Variants in SLC4A5 observed in about 807,000 individuals in gnomAD.
SLC4A5 encodes the protein electrogenic sodium bicarbonate cotransporter 4.
Under a neutral mutation model 120.4 loss-of-function variants are expected in SLC4A5, and 96 were observed. That is an observed-to-expected ratio of 0.80 (90% CI 0.68 to 0.94). The LOEUF is 0.94. SLC4A5 is among the 40% of genes least tolerant of loss of function. The pLI is 0.00. For missense variants in SLC4A5, 1,259 were observed against 1,459.5 expected (o/e 0.86, Z 2.24); for synonymous variants, 550 against 571.1 (o/e 0.96, Z 0.53).
intron 8 of SLC4A5, among the ~76,000 whole-genome samples, chr2:74,282,099 A>G (rs1671832088): frequency 6.6e-6 from 1 of 152,212 alleles, no homozygotes; most frequent in Non-Finnish European, 1.5e-5. Flanking sequence ...AGCCTCAAAC[A>G]GCTCTGACCC....
intron 5 of SLC4A5, among the ~76,000 whole-genome samples, chr2:74,322,455 A>T (rs1028508939): frequency 2.6e-5 from 4 of 152,220 alleles, no homozygotes; most frequent in African/African-American, 7.2e-5. Context: ...TAATAAAATC[A>T]TAAAATTATG....
intron 24 of SLC4A5, among the ~76,000 whole-genome samples, chr2:74,231,921 G>A (rs989548466): frequency 5.9e-5 from 9 of 152,180 alleles, no homozygotes; most frequent in Admixed American, 6.5e-5. Flanking sequence ...GAAAGCCAGG[G>A]TTTGGTGTGG....
intron 5 of SLC4A5, among the ~76,000 whole-genome samples, chr2:74,318,180 T>C (rs1558912303): frequency 6.6e-6 from 1 of 152,020 alleles, no homozygotes; most frequent in Non-Finnish European, 1.5e-5. Flanking sequence ...AGCTAATATC[T>C]AGAATCTGTG....
intron 5 of SLC4A5, among the ~76,000 whole-genome samples, chr2:74,326,678 G>C (rs1322472701): frequency 6.6e-6 from 1 of 152,172 alleles, no homozygotes; most frequent in African/African-American, 2.4e-5. Flanking sequence ...AATTAGCCGA[G>C]TGTGGTGGTG....
intron 30 of SLC4A5, among the ~76,000 whole-genome samples, chr2:74,219,162 C>A (rs1694533292): frequency 6.9e-6 from 1 of 145,006 alleles, no homozygotes; most frequent in Non-Finnish European, 1.5e-5. Flanking sequence ...TTGCAGTGTT[C>A]TTTGCTCTTT....
intron 14 of SLC4A5, among the ~76,000 whole-genome samples, chr2:74,254,066 A>G (rs973317328): frequency 1.3e-5 from 2 of 152,204 alleles, no homozygotes; most frequent in African/African-American, 4.8e-5. Context: ...TGCAGCCGCA[A>G]GCACCGCCAG....
intron 5 of SLC4A5, 118 bp from the exon 6 acceptor site, chr2:74,315,143 G>A (rs1421275493): frequency 1.2e-6 from 1 of 867,836 alleles, no homozygotes; most frequent in Non-Finnish European, 1.9e-6. Context: ...AAAAAACTAA[G>A]ACAAAAGGAC....
exon 21 of SLC4A5, chr2:74,239,404 A>T: frequency 6.2e-7 from 1 of 1,614,202 alleles, no homozygotes. Flanking sequence ...TCCCAAAGAA[A>T]AGGATGAAGG....
chr2:74,233,657 C>T, intron 22 of SLC4A5, 94 bp from the exon 23 acceptor site: 1 of 1,415,580 alleles, frequency 7.1e-7, no homozygotes, highest in Non-Finnish European at 9.4e-7. Flanking sequence ...TCAACTTTCC[C>T]TGACTTTGGG....
intron 3 of SLC4A5, among the ~76,000 whole-genome samples, chr2:74,336,137 AG>A (rs1377921920): frequency 6.6e-6 from 1 of 152,162 alleles, no homozygotes; most frequent in Non-Finnish European, 1.5e-5. Flanking sequence ...GCACTATCAC[AG>A]CTCACTACAG....
At chr2:74,329,937 G>A (rs1673311325) in intron 4 of SLC4A5, among the ~76,000 whole-genome samples, 1 of 151,894 alleles carries the variant, frequency 6.6e-6, no homozygotes, top group South Asian at 2.1e-4. Context: ...GAGGTGTGAG[G>A]TGGAGATGGA....
At position 74,335,012 on chromosome 2, in the gene SLC4A5, C is replaced by T. The variant is rs183915438; in HGVS notation, c.-220-835G>A. ...CTCCAGGAACCAAGTCCTGTTCTCC[C>T]GTCTTGCCTGCTCTCTGCTGCCCTC... is the stretch of plus-strand genomic sequence containing the variant. On this transcript the variant is annotated intron_variant, in intron 3 of 30. Transcript: ENST00000394019. Among the ~76,000 whole-genome samples, 16 of 152,234 alleles carry T rather than the reference C, an allele frequency of 1.1e-4. 1 individual carries two copies. Among genetic ancestry groups the T allele is most frequent in the Non-Finnish European group, 1.6e-4 (11 of 68,008 alleles).
chr2:74,262,093 C>T (rs1671154454), intron 11 of SLC4A5, 44 bp downstream of exon 11: 1 of 1,574,544 alleles, frequency 6.4e-7, no homozygotes, highest in Non-Finnish European at 8.7e-7. Context: ...ACAGCTGCCA[C>T]AGCCTGAATA....
At chr2:74,264,369 T>C in intron 9 of SLC4A5, 70 bp from the exon 10 acceptor site, 1 of 1,511,240 alleles carries the variant, frequency 6.6e-7, no homozygotes, top group Non-Finnish European at 8.9e-7. Context: ...GTCTTCAGTT[T>C]CACCTGTTAT....
chr2:74,324,391 G>A, intron 5 of SLC4A5, among the ~76,000 whole-genome samples: 1 of 152,074 alleles, frequency 6.6e-6, no homozygotes, highest in East Asian at 1.9e-4. Context: ...CTCCAAAGTA[G>A]GTGGGATTAC....
intron 5 of SLC4A5, among the ~76,000 whole-genome samples, chr2:74,325,493 C>G (rs1202857019): frequency 6.6e-6 from 1 of 152,184 alleles, no homozygotes; most frequent in African/African-American, 2.4e-5. Flanking sequence ...TCAAAGGAGT[C>G]CATCCATCTG....
At chr2:74,311,415 T>C (rs1035591302) in intron 6 of SLC4A5, among the ~76,000 whole-genome samples, 5 of 152,164 alleles carry the variant, frequency 3.3e-5, no homozygotes, top group Admixed American at 2.0e-4. Flanking sequence ...ATCTTTCTTC[T>C]TTTCTAATAT....
intron 5 of SLC4A5, among the ~76,000 whole-genome samples, chr2:74,315,393 T>C (rs964966468): frequency 2.7e-5 from 4 of 148,800 alleles, no homozygotes; most frequent in South Asian, 2.1e-4. Flanking sequence ...TGAGCTGAGA[T>C]TGCACCACTG....
rs1185467820 is a variant in SLC4A5 at position 74,285,757 on chromosome 2, T to A, written c.401+16A>T. 4.4e-6 allele frequency: 7 copies of A among 1,607,026 alleles called. No homozygotes were observed. Among genetic ancestry groups the A allele is most frequent in the Non-Finnish European group, 6.0e-6 (7 of 1,175,528 alleles). On this transcript the variant is annotated intron_variant, in intron 8 of 30. Transcript: ENST00000394019. ...GAGACTGAAGTGCCCACCTCCCTCG[T>A]GGGGCCCCGCCTCACCTGGCTGACT...
Sources: gnomAD v4.1 joint callset for allele counts (sites outside exome capture counted in the v4.1 genomes callset) on GRCh38, gnomAD v4.1.1 for gene constraint, MANE v1.5 for transcripts, NCBI Gene and HGNC (gene_info 2026-07-23, HGNC 2026-07-21) for gene names.